The following FAAP20 variants were observed in gnomAD, a reference collection of about 807,000 sequenced individuals.
FAAP20 encodes FA core complex associated protein 20.
FAAP20 carries 12 observed loss-of-function variants against 16.2 expected under a neutral mutation model. The ratio of observed to expected loss-of-function variants is 0.74; its 90% CI spans 0.48 to 1.20. The LOEUF is 1.20. Ranked by LOEUF, FAAP20 falls within the 50% of genes most tolerant of loss-of-function variation. The probability of loss-of-function intolerance (pLI) is 0.00; values close to 1 mark genes in which losing one functional copy is unlikely to be tolerated. For missense variants in FAAP20, 288 were observed against 245.8 expected (o/e 1.17, Z -1.15); for synonymous variants, 141 against 110.7 (o/e 1.27, Z -1.72).
At chr1:2,189,345 C>A (rs115570933), downstream of FAAP20, among the ~76,000 whole-genome samples, 1,224 of 142,020 alleles carry the variant, frequency 8.6e-3, 12 homozygotes, top group African/African-American at 0.024. Flanking sequence ...AAAAAAAAAA[C>A]AAAAAAAAAA....
intron 3 of FAAP20, chr1:2,191,235 C>T (rs1000814479): frequency 3.3e-5 from 5 of 152,570 alleles, no homozygotes; most frequent in East Asian, 1.9e-4. Flanking sequence ...TTCAGACCCC[C>T]GCCTGTGGCG....
In FAAP20 at chr1:2,192,627, T is replaced by C. The variant is rs540871056; in HGVS notation, c.470+1012A>G. On this transcript the variant is annotated intron_variant, in intron 3 of 3. Transcript: ENST00000378546. Reference sequence around the variant, plus strand: ...CCAGGGCTCCCAACAGTACCCTCTGTCCGTGATTCAGGGTCTTACTCTGTC... The same window carrying C: ...CCAGGGCTCCCAACAGTACCCTCTGCCCGTGATTCAGGGTCTTACTCTGTC... 9 of 1,168,944 alleles carry C rather than the reference T, an allele frequency of 7.7e-6. No homozygotes were observed. In the East Asian group the frequency reaches 3.0e-4, roughly 39 times the overall value. The allele number at this position is 1,168,944 out of a possible 1,614,324, so 72.4% of individuals were successfully genotyped here. A position where few individuals can be genotyped will look rare whatever the true frequency, so the allele number is the denominator to read the frequency against.
At chr1:2,206,489 G>A (rs1689263470) in intron 2 of FAAP20, 1 of 152,272 alleles carries the variant, frequency 6.6e-6, no homozygotes, top group Non-Finnish European at 1.5e-5. Flanking sequence ...TCCCAGAAGT[G>A]GGAAAAGGTC....
intron 3 of FAAP20, among the ~76,000 whole-genome samples, chr1:2,205,265 A>C (rs1276580137): frequency 5.4e-5 from 3 of 55,074 alleles, no homozygotes; most frequent in Non-Finnish European, 1.1e-4. Context: ...CCGTCCTTCC[A>C]GGCAGCGCCC....
In FAAP20 at chr1:2,192,905, T is replaced by G. The variant is rs77158046; in HGVS notation, c.470+734A>C. 19 of 1,303,710 alleles carry G rather than the reference T, an allele frequency of 1.5e-5. No homozygotes were observed. In the East Asian group the frequency reaches 9.4e-4, roughly 65 times the overall value. 80.8% of individuals were successfully genotyped at this position (1,303,710 alleles called of 1,614,324 possible). ...GTGAGCCACCGTGCCCGGCCTTTTC[T>G]TTTGTTGTTGTTGTTGTTGGCTGCC... is the stretch of plus-strand genomic sequence containing the variant. On this transcript the variant is annotated intron_variant, in intron 3 of 3. Transcript: ENST00000378546.
downstream of FAAP20, among the ~76,000 whole-genome samples, chr1:2,209,685 A>T (rs1557796727): frequency 1.3e-5 from 2 of 152,198 alleles, no homozygotes; most frequent in African/African-American, 4.8e-5. Flanking sequence ...CACGAAGTTC[A>T]GGGGGGCTGC....
chr1:2,206,983 C>T (rs1689282113), intron 1 of FAAP20, among the ~76,000 whole-genome samples: 2 of 152,170 alleles, frequency 1.3e-5, no homozygotes, highest in South Asian at 4.1e-4. Context: ...GAGACTTGCC[C>T]AGGGACAAAC....
chr1:2,199,327 A>C (rs1688954970), upstream of FAAP20: 1 of 1,029,798 alleles, frequency 9.7e-7, no homozygotes, highest in African/African-American at 1.7e-5. This position sits in a 1 kb window ranked among gnomAD's most constrained non-coding sequence, Gnocchi z 4.5. Flanking sequence ...CTCAGCCCCC[A>C]CCCAGGGGCG....
At chr1:2,204,695 T>C (rs1273355853), upstream of FAAP20, among the ~76,000 whole-genome samples, 2 of 152,118 alleles carry the variant, frequency 1.3e-5, no homozygotes, top group Non-Finnish European at 2.9e-5. Flanking sequence ...GACTAGCGGA[T>C]GATGGACTTG....
downstream of FAAP20, chr1:2,186,168 C>T: frequency 2.4e-6 from 1 of 424,792 alleles, no homozygotes; most frequent in South Asian, 1.7e-5. Flanking sequence ...GTGGAAATTG[C>T]CACGCAGCCC....
intron 1 of FAAP20, among the ~76,000 whole-genome samples, chr1:2,207,060 A>C (rs1325243914): frequency 1.3e-5 from 2 of 152,138 alleles, no homozygotes; most frequent in African/African-American, 2.4e-5. Context: ...TTGTGAAAAA[A>C]CATTGATTGG....
At chr1:2,200,078 CA>C (rs1056899834), upstream of FAAP20, 14 of 139,330 alleles carry the variant, frequency 1.0e-4, no homozygotes, top group South Asian at 2.3e-4. Flanking sequence ...GACTCCGTCT[CA>C]AAAAAAAAAG....
At chr1:2,210,745 T>A (rs1689413444), downstream of FAAP20, among the ~76,000 whole-genome samples, 1 of 152,028 alleles carries the variant, frequency 6.6e-6, no homozygotes, top group Non-Finnish European at 1.5e-5. Context: ...TCCTGGAGGG[T>A]GACCCTGGGA....
At chr1:2,185,929 A>G, downstream of FAAP20, 5 of 337,560 alleles carry the variant, frequency 1.5e-5, 1 homozygote, top group South Asian at 1.2e-4. Flanking sequence ...ACAAACACCC[A>G]GAAACACAGG....
At chr1:2,204,633 GC>G (rs1689168235), upstream of FAAP20, among the ~76,000 whole-genome samples, 1 of 151,842 alleles carries the variant, frequency 6.6e-6, no homozygotes, top group Non-Finnish European at 1.5e-5. Flanking sequence ...CAGGACGTCA[GC>G]CGGGTGGATT....
rs1688558383 is a variant in FAAP20 at position 2,193,946 on chromosome 1, GGC to G, written c.199-38_199-37del. 3 of 1,612,108 alleles carry G rather than the reference GGC, an allele frequency of 1.9e-6. No individual in the cohort carries two copies. The South Asian group carries it at 3.3e-5, about 18-fold the overall frequency. On this transcript the variant is annotated intron_variant, in intron 2 of 3. Transcript: ENST00000378546. ...GAGTTGTTGGGCCTTGCCCAGCGATGGCTCCCGCCCTGGAAACCCCTTCATCG... is the reference window on the plus strand; with the variant it reads ...GAGTTGTTGGGCCTTGCCCAGCGATGTCCCGCCCTGGAAACCCCTTCATCG...
intron 3 of FAAP20, among the ~76,000 whole-genome samples, chr1:2,205,282 C>T (rs1443209512): frequency 7.3e-6 from 1 of 136,358 alleles, no homozygotes; most frequent in African/African-American, 2.8e-5. Flanking sequence ...GCCCACACCC[C>T]GCCCCTCATG....
At chr1:2,207,493 T>C (rs2100762470), downstream of FAAP20, 1 of 152,260 alleles carries the variant, frequency 6.6e-6, no homozygotes, top group Non-Finnish European at 1.5e-5. Flanking sequence ...GGCCCAACGC[T>C]CTCCTTCCCC....
At chr1:2,189,519 C>T, downstream of FAAP20, 1 of 620,140 alleles carries the variant, frequency 1.6e-6, no homozygotes, top group South Asian at 1.8e-5. Context: ...CTGCCCTAAA[C>T]CAAACGTCAG....
Sources: gnomAD v4.1 joint callset for allele counts (sites outside exome capture counted in the v4.1 genomes callset) on GRCh38, gnomAD v4.1.1 for gene constraint, Gnocchi (gnomAD v3.1) non-coding constraint, MANE v1.5 for transcripts, NCBI Gene and HGNC (gene_info 2026-07-23, HGNC 2026-07-21) for gene names.